PDCD11: variants seen among roughly 807,000 people sequenced by gnomAD.
PDCD11 encodes programmed cell death 11.
PDCD11 carries 97 observed loss-of-function variants against 198.9 expected under a neutral mutation model. That is an observed-to-expected ratio of 0.49 (90% confidence interval 0.41 to 0.58). The LOEUF is 0.58. Among genes scored for constraint, PDCD11 ranks in the 20% least tolerant of loss-of-function variants. The pLI is 0.00. For synonymous variants in PDCD11, 893 were observed against 918.0 expected, an observed-to-expected ratio of 0.97 and a Z score of 0.49; for missense variants, 2,102 against 2,312.7, an observed-to-expected ratio of 0.91 and a Z score of 1.87.
chr10:103,414,454 G>C (rs2030988949), intron 11 of PDCD11, 124 bp downstream of exon 11: 1 of 669,082 alleles, frequency 1.5e-6, no homozygotes, highest in Non-Finnish European at 2.6e-6. Flanking sequence ...CCTTGCTTCT[G>C]CCTGCTGACT....
chr10:103,426,008 TGGGTTTGGAGTCAGACCC>T (rs1166183145), intron 20 of PDCD11, among the ~76,000 whole-genome samples: 1 of 152,176 alleles, frequency 6.6e-6, no homozygotes, highest in Admixed American at 6.5e-5. Flanking sequence ...GTTAAGAACA[TGGGTTTGGAGTCAGACCC>T]GGGTTTGAAT....
At chr10:103,409,859 G>A in intron 8 of PDCD11, 53 bp downstream of exon 8, 1 of 1,330,180 alleles carries the variant, frequency 7.5e-7, no homozygotes, top group Non-Finnish European at 1.1e-6. Flanking sequence ...TCCATTTGCT[G>A]TCCAGTATCA....
intron 5 of PDCD11, 82 bp from the exon 6 acceptor site, chr10:103,405,903 C>T: frequency 2.1e-6 from 3 of 1,455,862 alleles, no homozygotes; most frequent in Non-Finnish European, 2.9e-6. Flanking sequence ...AGCTTAGTGG[C>T]AGGAACATTC....
intron 26 of PDCD11, among the ~76,000 whole-genome samples, chr10:103,438,372 C>T (rs1050322972): frequency 5.9e-5 from 9 of 152,096 alleles, no homozygotes; most frequent in African/African-American, 9.7e-5. Flanking sequence ...TAGGGGTGAG[C>T]GTGCCATGTA....
At chr10:103,401,598 T>C (rs2030066146) in intron 3 of PDCD11, among the ~76,000 whole-genome samples, 1 of 152,000 alleles carries the variant, frequency 6.6e-6, no homozygotes, top group Non-Finnish European at 1.5e-5. Context: ...ATAACACCAA[T>C]ATGTGTTAGT....
chr10:103,399,046 G>T (rs1717475243), intron 2 of PDCD11, among the ~76,000 whole-genome samples: 1 of 150,516 alleles, frequency 6.6e-6, no homozygotes, highest in African/African-American at 2.4e-5. Flanking sequence ...ATAAAGTGCT[G>T]TTCCTTGTTC....
intron 17 of PDCD11, 82 bp from the exon 18 acceptor site, chr10:103,422,906 G>A (rs768643668): frequency 2.4e-6 from 3 of 1,268,378 alleles, no homozygotes; most frequent in Non-Finnish European, 3.1e-6. Context: ...TGTCCTCCGT[G>A]GTGATAGCAC....
At chr10:103,414,362 C>T in intron 11 of PDCD11, 32 bp downstream of exon 11, 1 of 1,536,462 alleles carries the variant, frequency 6.5e-7, no homozygotes, top group Non-Finnish European at 9.0e-7. Context: ...TAGGTACTGC[C>T]TCACCATCAG....
At position 103,440,797 on chromosome 10, in the gene PDCD11, G is replaced by A. The variant is rs1195777349; in HGVS notation, c.4504G>A (p.Val1502Met). ...AGAGGAGGACGACAGCCTTGTGGAC[G>A]TGTACTATCGGGAGGGAAAAGAGGA... is the stretch of plus-strand genomic sequence containing the variant. The part of the protein sequence containing the change: ...LSEEDDSLVD[V>M]YYREGKEEAE... The change falls in exon 30 of 36, where the codon GTG (valine) becomes ATG (methionine). Residue 1502 changes from valine (V) to methionine (M), a missense_variant. By Grantham distance (21) the Val-to-Met change is conservative. Coordinates refer to ENST00000369797, the MANE Select transcript of PDCD11 (RefSeq NM_014976.2). The A allele has an allele frequency of 9.3e-6, 15 of 1,613,984 alleles. No individual in the cohort carries two copies. Among genetic ancestry groups the A allele is most frequent in the East Asian group, 4.5e-5 (2 of 44,890 alleles).
intron 21 of PDCD11, 97 bp downstream of exon 21, chr10:103,427,488 T>A (rs749223689): frequency 7.7e-5 from 81 of 1,049,774 alleles, no homozygotes; most frequent in East Asian, 3.5e-4. Flanking sequence ...AGTGTTAGGA[T>A]TGATTTTTGC....
At chr10:103,438,833 G>A (rs747389329) in intron 27 of PDCD11, 25 bp downstream of exon 27, 29 of 1,612,326 alleles carry the variant, frequency 1.8e-5, no homozygotes, top group African/African-American at 1.5e-4. Flanking sequence ...CTCTGCACCC[G>A]GACCCAAGTG....
In PDCD11 at chr10:103,417,952, CAAGCTATTTT is replaced by C. The variant is rs748201082; in HGVS notation, c.1911+22_1911+31del. 38 of 1,612,906 alleles carry C rather than the reference CAAGCTATTTT, an allele frequency of 2.4e-5. No homozygotes were observed. In the African/African-American group the frequency reaches 4.9e-4, roughly 21 times the overall value. On this transcript the variant is annotated intron_variant, in intron 14 of 35. Transcript: ENST00000369797. ...GGGCAGGTACGTGGACTTCTCTGGACAAGCTATTTTATGTTACAGTGGCAGAGAGCAGGGA... is the reference window on the plus strand; with the variant it reads ...GGGCAGGTACGTGGACTTCTCTGGACATGTTACAGTGGCAGAGAGCAGGGA...
In PDCD11 at chr10:103,418,543, A is replaced by G. The variant is rs1471032402; in HGVS notation, c.2015A>G (p.His672Arg). The change falls in exon 15 of 36, where the codon CAC (histidine) becomes CGC (arginine). Residue 672 changes from histidine to arginine, a missense_variant. Transcript: ENST00000369797. ...CTCCCCACATCTCATCTGTCGGACCACGTTGCCAACGGCCCATTGTTACAT... is the reference window on the plus strand; with the variant it reads ...CTCCCCACATCTCATCTGTCGGACCGCGTTGCCAACGGCCCATTGTTACAT... Reference protein sequence around the residue: ...AFLPTSHLSDHVANGPLLHHW... With the variant: ...AFLPTSHLSDRVANGPLLHHW... 2.5e-6 allele frequency: 4 copies of G among 1,614,150 alleles called. No individual in the cohort carries two copies. Among genetic ancestry groups the G allele is most frequent in the East Asian group, 4.5e-5 (2 of 44,872 alleles).
intron 2 of PDCD11, among the ~76,000 whole-genome samples, chr10:103,399,064 C>T (rs887072696): frequency 2.0e-5 from 3 of 151,262 alleles, no homozygotes; most frequent in African/African-American, 7.3e-5. Flanking sequence ...TTCTTAGACA[C>T]TCTTTGCCAT....
intron 3 of PDCD11, among the ~76,000 whole-genome samples, chr10:103,402,685 C>T (rs911277094): frequency 6.6e-6 from 1 of 152,006 alleles, no homozygotes; most frequent in South Asian, 2.1e-4. Context: ...GTGATCCACC[C>T]GCCTCAGCCT....
At chr10:103,403,478 A>G (rs1337087599) in intron 4 of PDCD11, among the ~76,000 whole-genome samples, 193 bp downstream of exon 4, 1 of 152,184 alleles carries the variant, frequency 6.6e-6, no homozygotes, top group Non-Finnish European at 1.5e-5. Context: ...GATCTAAAGA[A>G]TGAGGGTTCC....
Position 103,440,291 on chromosome 10 carries a change from C to G in PDCD11, c.4150C>G (p.Leu1384Val), listed in dbSNP as rs767921889. 6.2e-7 allele frequency: 1 copy of G among 1,612,376 alleles called. No individual in the cohort carries two copies. The highest frequency in any genetic ancestry group is 8.5e-7 in the Non-Finnish European group (1 of 1,179,342). ...CCTCCCCATCTTGCTCTGTCATAGC[C>G]TTAACCACCAGAAGAACCTGGTAGA... ...GKLLTARVLR[L>V]NHQKNLVELS... The change falls in exon 29 of 36, where the codon CTT becomes GTT. Residue 1384 changes from leucine to valine, a missense_variant and splice_region_variant. Physicochemically the swap from Leu to Val is conservative, Grantham distance 32. Coordinates refer to ENST00000369797, the MANE Select transcript of PDCD11 (RefSeq NM_014976.2).
Position 103,409,718 on chromosome 10 carries a change from C to T in PDCD11, c.890C>T (p.Thr297Met), listed in dbSNP as rs772637975. The T allele has an allele frequency of 2.0e-5, 32 of 1,613,640 alleles. No individual in the cohort carries two copies. Among genetic ancestry groups the T allele is most frequent in the Middle Eastern group, 1.6e-4 (1 of 6,084 alleles). The change falls in exon 8 of 36, where the codon ACG becomes ATG. Residue 297 changes from threonine to methionine, a missense_variant. Coordinates refer to ENST00000369797, the MANE Select transcript of PDCD11 (RefSeq NM_014976.2). Reference sequence around the variant, plus strand: ...TTCTAGGTGACTCCATTTGGCCTTACGCTAAACTTCCTCACATTCTTCACG... The same window carrying T: ...TTCTAGGTGACTCCATTTGGCCTTATGCTAAACTTCCTCACATTCTTCACG... ...QVQKVTPFGL[T>M]LNFLTFFTGV...
At chr10:103,422,960 A>G (rs745615195) in intron 17 of PDCD11, 28 bp from the exon 18 acceptor site, 1 of 1,468,828 alleles carries the variant, frequency 6.8e-7, no homozygotes, top group South Asian at 1.5e-5. Flanking sequence ...CATGGTACTA[A>G]TCCGTGTTTC....
Sources: gnomAD v4.1 joint callset for allele counts (sites outside exome capture counted in the v4.1 genomes callset) on GRCh38, gnomAD v4.1.1 for gene constraint, MANE v1.5 for transcripts, NCBI Gene and HGNC (gene_info 2026-07-23, HGNC 2026-07-21) for gene names.